The following CLVS1 variants were observed in gnomAD, a reference collection of about 807,000 sequenced individuals.
CLVS1 encodes the protein clavesin 1.
In CLVS1, 10 loss-of-function variants were observed where a neutral mutation model predicts 33.1. That is an observed-to-expected ratio of 0.30 (90% CI 0.19 to 0.51). The LOEUF (loss-of-function observed/expected upper bound fraction) is 0.51. Ranked by LOEUF, CLVS1 falls within the 20% of genes least tolerant of loss-of-function variation. The pLI, the probability that CLVS1 is intolerant of heterozygous loss-of-function variation, is 0.97. For synonymous variants in CLVS1, 163 were observed against 166.1 expected, an observed-to-expected ratio of 0.98 and a Z score of 0.14; for missense variants, 343 against 433.4, an observed-to-expected ratio of 0.79 and a Z score of 1.85.
chr8:61,224,260 G>A (rs191024780), intron 2 of CLVS1, among the ~76,000 whole-genome samples: 3 of 152,164 alleles, frequency 2.0e-5, no homozygotes, highest in Non-Finnish European at 4.4e-5. Flanking sequence ...TGGCCTTTTG[G>A]GTTTTCAGCA....
At chr8:61,157,650 A>G (rs2129296031) in intron 2 of CLVS1, among the ~76,000 whole-genome samples, 1 of 152,082 alleles carries the variant, frequency 6.6e-6, no homozygotes, top group East Asian at 1.9e-4. Flanking sequence ...CACAACACAT[A>G]TATATGACAA....
intron 2 of CLVS1, among the ~76,000 whole-genome samples, chr8:61,357,910 C>G (rs545286670): frequency 6.6e-6 from 1 of 152,086 alleles, no homozygotes; most frequent in Non-Finnish European, 1.5e-5. Flanking sequence ...GCTGTCTGAC[C>G]GGGATTGATG....
At chr8:61,373,066 G>A (rs1203907837) in intron 2 of CLVS1, among the ~76,000 whole-genome samples, 1 of 152,112 alleles carries the variant, frequency 6.6e-6, no homozygotes, top group African/African-American at 2.4e-5. Context: ...TTTTGAGGGT[G>A]GAGTATCTAC....
At chr8:61,392,986 C>T (rs143247790) in intron 3 of CLVS1, among the ~76,000 whole-genome samples, 9 of 152,112 alleles carry the variant, frequency 5.9e-5, no homozygotes, top group African/African-American at 1.4e-4. Context: ...TGGGTTCAAG[C>T]GATTCTCCTG....
At chr8:61,128,561 C>G (rs943061771) in intron 1 of CLVS1, among the ~76,000 whole-genome samples, 4 of 152,200 alleles carry the variant, frequency 2.6e-5, no homozygotes, top group Admixed American at 2.6e-4. Flanking sequence ...GGCATGAAAT[C>G]CAGGGTCCAG....
chr8:60,967,232 C>T, the CLVS1 span, among the ~76,000 whole-genome samples: 7 of 152,252 alleles, frequency 4.6e-5, no homozygotes, highest in African/African-American at 9.6e-5. Context: ...GTCCTTGTTA[C>T]CATGCAGATT....
At chr8:61,384,316 C>T (rs1813998738) in intron 3 of CLVS1, among the ~76,000 whole-genome samples, 1 of 152,210 alleles carries the variant, frequency 6.6e-6, no homozygotes, top group Non-Finnish European at 1.5e-5. Context: ...GATGGCAACA[C>T]AGATTTATAT....
At chr8:61,365,252 G>A (rs1329153681) in intron 2 of CLVS1, among the ~76,000 whole-genome samples, 1 of 152,152 alleles carries the variant, frequency 6.6e-6, no homozygotes, top group African/African-American at 2.4e-5. Flanking sequence ...TGTTGGCCAG[G>A]TGCGTTGGCT....
At chr8:61,043,943 A>G in the CLVS1 span, among the ~76,000 whole-genome samples, 1 of 152,214 alleles carries the variant, frequency 6.6e-6, no homozygotes, top group East Asian at 1.9e-4. Context: ...TAAGGAATAA[A>G]TGAATACTTT....
chr8:61,497,644 A>C (rs1158051230), intron 5 of CLVS1, among the ~76,000 whole-genome samples: 1 of 152,226 alleles, frequency 6.6e-6, no homozygotes, highest in Non-Finnish European at 1.5e-5. Flanking sequence ...GTCCCAATTC[A>C]GACCCCAAGA....
chr8:61,215,348 G>A (rs1050666241), intron 2 of CLVS1, among the ~76,000 whole-genome samples: 7 of 152,060 alleles, frequency 4.6e-5, no homozygotes, highest in Admixed American at 3.3e-4. Flanking sequence ...TACTGCTCTG[G>A]CCACATGGCA....
At chr8:61,310,969 G>T (rs940451814) in intron 2 of CLVS1, among the ~76,000 whole-genome samples, 2 of 152,114 alleles carry the variant, frequency 1.3e-5, no homozygotes, top group East Asian at 3.8e-4. Flanking sequence ...CCTTTGTTTG[G>T]TAATAATATG....
At chr8:61,428,982 C>T (rs1444238864) in intron 3 of CLVS1, among the ~76,000 whole-genome samples, 1 of 152,160 alleles carries the variant, frequency 6.6e-6, no homozygotes, top group African/African-American at 2.4e-5. Flanking sequence ...TTTGTGTTGT[C>T]ATAGCAGAAT....
intron 2 of CLVS1, among the ~76,000 whole-genome samples, chr8:61,361,717 A>T (rs1025355042): frequency 6.6e-5 from 10 of 152,166 alleles, no homozygotes; most frequent in African/African-American, 2.4e-4. Context: ...TTTCAGGCCA[A>T]CTATCCCATG....
At chr8:61,259,841 TG>T (rs201709339) in intron 2 of CLVS1, among the ~76,000 whole-genome samples, 2,237 of 152,316 alleles carry the variant, frequency 0.015, 47 homozygotes, top group African/African-American at 0.051. Flanking sequence ...GCTGCAGCTG[TG>T]GGTATATCCC....
intron 3 of CLVS1, among the ~76,000 whole-genome samples, chr8:61,442,851 G>A (rs1816614086): frequency 6.6e-6 from 1 of 152,086 alleles, no homozygotes. Flanking sequence ...GCCCGCGTTG[G>A]CCTCCTGAAG....
chr8:61,114,323 C>T (rs978727195), intron 1 of CLVS1, among the ~76,000 whole-genome samples: 1 of 152,286 alleles, frequency 6.6e-6, no homozygotes, highest in East Asian at 1.9e-4. Context: ...AACTAAACAG[C>T]AAAGGATCTT....
At chr8:61,433,204 T>C (rs1387909722) in intron 3 of CLVS1, among the ~76,000 whole-genome samples, 3 of 152,248 alleles carry the variant, frequency 2.0e-5, no homozygotes, top group African/African-American at 7.2e-5. Flanking sequence ...TCCACCCACA[T>C]TGGCCTCCCA....
intron 2 of CLVS1, among the ~76,000 whole-genome samples, chr8:61,244,343 A>C (rs184691878): frequency 2.8e-4 from 43 of 152,306 alleles, no homozygotes; most frequent in African/African-American, 1.0e-3. Context: ...CTTTGGACAG[A>C]AAGCATACTC....
Sources: gnomAD v4.1 joint callset for allele counts (sites outside exome capture counted in the v4.1 genomes callset) on GRCh38, gnomAD v4.1.1 for gene constraint, MANE v1.5 for transcripts, NCBI Gene and HGNC (gene_info 2026-07-23, HGNC 2026-07-21) for gene names.